The following OR5V1 variants were observed in gnomAD, a reference collection of about 807,000 sequenced individuals.
The protein encoded by OR5V1 is olfactory receptor 5V1.
For synonymous variants in OR5V1, 134 were observed against 143.2 expected (o/e 0.94, Z 0.46); for missense variants, 365 against 371.5 (o/e 0.98, Z 0.14).
intron 1 of OR5V1, among the ~76,000 whole-genome samples, chr6:29,359,931 C>G (rs967826372): frequency 2.0e-5 from 3 of 152,180 alleles, no homozygotes; most frequent in African/African-American, 4.8e-5. Flanking sequence ...CAGAACTGTT[C>G]ACTCCCCTGG....
In OR5V1 at chr6:29,354,719, T is replaced by C. The variant is rs1778170923; in HGVS notation, c.*511A>G. ...ATGCAGCAGGTGATAAAATTAAAATTAGCTACCAACAGATCTGGAGGTAAA... is the reference window on the plus strand; with the variant it reads ...ATGCAGCAGGTGATAAAATTAAAATCAGCTACCAACAGATCTGGAGGTAAA... On this transcript the variant is annotated 3_prime_UTR_variant, in exon 2 of 2. Coordinates refer to ENST00000641768, the MANE Select transcript of OR5V1 (RefSeq NM_030876.6). 1 of 152,234 alleles carries C rather than the reference T, an allele frequency of 6.6e-6. No homozygotes were observed. Among genetic ancestry groups the C allele is most frequent in the South Asian group, 2.1e-4 (1 of 4,836 alleles). 9.4% of individuals were successfully genotyped at this position (152,234 alleles called of 1,614,324 possible).
intron 1 of OR5V1, among the ~76,000 whole-genome samples, chr6:29,362,049 T>G (rs1312332867): frequency 6.6e-6 from 1 of 152,068 alleles, no homozygotes; most frequent in African/African-American, 2.4e-5. Context: ...CCATCTCATG[T>G]GCAAAGACAC....
chr6:29,358,194 G>A (rs911053067), intron 1 of OR5V1, among the ~76,000 whole-genome samples: 2 of 152,082 alleles, frequency 1.3e-5, no homozygotes, highest in African/African-American at 2.4e-5. Context: ...CTCCAAAATT[G>A]TATTCTCAAA....
At chr6:29,365,081 A>G (rs1191523195) in intron 1 of OR5V1, among the ~76,000 whole-genome samples, 1 of 152,076 alleles carries the variant, frequency 6.6e-6, no homozygotes, top group Non-Finnish European at 1.5e-5. Flanking sequence ...GGTGCTGGGA[A>G]AATTGGCTAG....
In OR5V1 at chr6:29,356,072, T is replaced by G. The variant is rs1444461410; in HGVS notation, c.124A>C (p.Asn42His). Reference protein sequence around the residue: ...FLTYFCTLGGNILIILTTVTD... With the variant: ...FLTYFCTLGGHILIILTTVTD... ...ACAGTCGTCAAGATAATTAATATAT[T>G]TCCTCCCAAAGTACAGAAATAAGTC... The change falls in exon 2 of 2, where the codon AAT (asparagine) becomes CAT (histidine). Residue 42 changes from asparagine (N) to histidine (H), a missense_variant. Physicochemically the swap from Asn to His is moderately conservative, Grantham distance 68. Transcript: ENST00000641768. The G allele has an allele frequency of 6.2e-7, 1 of 1,613,856 alleles. No individual in the cohort carries two copies. The highest frequency in any genetic ancestry group is 8.5e-7 in the Non-Finnish European group (1 of 1,179,946).
Position 29,355,557 on chromosome 6 carries a change from AC to A in OR5V1, c.638del (p.Cys213LeufsTer9). 6.2e-7 allele frequency: 1 copy of A among 1,614,052 alleles called. No individual in the cohort carries two copies. The highest frequency in any genetic ancestry group is 8.5e-7 in the Non-Finnish European group (1 of 1,179,924). ...GVFIGWTPFL[C>X]IVLSYICIIS... Reference sequence around the variant, plus strand: ...TTATGCAAATGTAGGAAAGTACGATACAAAGGAAAGGAGTCCAACCAATGAA... The same window carrying A: ...TTATGCAAATGTAGGAAAGTACGATAAAAGGAAAGGAGTCCAACCAATGAA... On this transcript the variant is annotated frameshift_variant, in exon 2 of 2. Coordinates refer to ENST00000641768, the MANE Select transcript of OR5V1 (RefSeq NM_030876.6). LOFTEE classifies it low-confidence loss of function (END_TRUNC).
At position 29,355,300 on chromosome 6, in the gene OR5V1, T is replaced by C. The variant is rs774701871; in HGVS notation, c.896A>G (p.Glu299Gly). 1 of 1,613,464 alleles carries C rather than the reference T, an allele frequency of 6.2e-7. No individual in the cohort carries two copies. The highest frequency in any genetic ancestry group is 1.1e-5 in the South Asian group (1 of 90,918). ...IYTLRNKDIK[E>G]AVKTIGSKWQ... ...CTTGCTCCCTATAGTTTTGACAGCTTCTTTGATGTCCTTATTCCTCAATGT... is the reference window on the plus strand; with the variant it reads ...CTTGCTCCCTATAGTTTTGACAGCTCCTTTGATGTCCTTATTCCTCAATGT... Residue 299 changes from glutamate to glycine, a missense_variant, in exon 2 of 2, where the codon GAA (glutamate) becomes GGA (glycine). Transcript: ENST00000641768.
chr6:29,360,220 C>G (rs1309753715), intron 1 of OR5V1, among the ~76,000 whole-genome samples: 1 of 152,214 alleles, frequency 6.6e-6, no homozygotes, highest in Non-Finnish European at 1.5e-5. Flanking sequence ...CTAGATTCCT[C>G]CTCACTGGGG....
chr6:29,368,430 C>G (rs954997363), intron 1 of OR5V1, among the ~76,000 whole-genome samples: 8 of 152,090 alleles, frequency 5.3e-5, no homozygotes, highest in African/African-American at 1.7e-4. Flanking sequence ...AAAGAAGCTT[C>G]CTGATTCACA....
rs1317007836 is a variant in OR5V1 at position 29,355,628 on chromosome 6, C to T, written c.568G>A (p.Gly190Arg). 6.2e-7 allele frequency: 1 copy of T among 1,613,936 alleles called. No homozygotes were observed. Among genetic ancestry groups the T allele is most frequent in the Non-Finnish European group, 8.5e-7 (1 of 1,179,930 alleles). The stretch of plus-strand genomic sequence containing the variant: ...GCCAACTCATTGACAGAAGTGTTTC[C>T]ACAAGACAAGATCAGCAAAGGGGGG... ...DIPPLLILSC[G>R]NTSVNELALL... is the part of the protein sequence containing the mutation. Residue 190 changes from glycine to arginine, a missense_variant, in exon 2 of 2, where the codon GGA becomes AGA. Transcript: ENST00000641768.
At chr6:29,367,758 C>T (rs1214120294) in intron 1 of OR5V1, among the ~76,000 whole-genome samples, 1 of 152,170 alleles carries the variant, frequency 6.6e-6, no homozygotes, top group African/African-American at 2.4e-5. Flanking sequence ...TGTTGCCTCT[C>T]ATAGGCATAG....
rs541443409 is a variant in OR5V1 at position 29,364,526 on chromosome 6, C to T, written c.-83+4106G>A. 6.6e-3 allele frequency among the ~76,000 whole-genome samples: 168 copies of T among 25,436 alleles called. 68 individuals carry two copies. The highest frequency in any genetic ancestry group is 0.017 in the Non-Finnish European group (149 of 8,642). 16.7% of individuals were successfully genotyped at this position (25,436 alleles called of 152,430 possible). Reference sequence around the variant, plus strand: ...AAAAAGAACAAAGCTGGGCCGGGCGCGGTGGCTCACGCCTGTAATCCCAGC... The same window carrying T: ...AAAAAGAACAAAGCTGGGCCGGGCGTGGTGGCTCACGCCTGTAATCCCAGC... On this transcript the variant is annotated intron_variant, in intron 1 of 1. Transcript: ENST00000641768.
chr6:29,358,191 A>G (rs1384494997), intron 1 of OR5V1, among the ~76,000 whole-genome samples: 1 of 152,140 alleles, frequency 6.6e-6, no homozygotes, highest in East Asian at 1.9e-4. Flanking sequence ...GAACTCCAAA[A>G]TTGTATTCTC....
At position 29,355,124 on chromosome 6, in the gene OR5V1, T is replaced by TTC; in HGVS notation, c.*104_*105dup. 8.8e-7 allele frequency: 1 copy of TTC among 1,141,778 alleles called. No homozygotes were observed. Among genetic ancestry groups the TTC allele is most frequent in the Non-Finnish European group, 1.2e-6 (1 of 819,856 alleles). 70.7% of individuals were successfully genotyped at this position (1,141,778 alleles called of 1,614,324 possible). A position where few individuals can be genotyped will look rare whatever the true frequency, so the allele number is the denominator to read the frequency against. ...CACTTAGACTGGAGTGTATCAACTC[T>TTC]TCAATATCTGTCCCAACATTGCAAT... On this transcript the variant is annotated 3_prime_UTR_variant, in exon 2 of 2. Transcript: ENST00000641768.
intron 1 of OR5V1, among the ~76,000 whole-genome samples, chr6:29,368,237 A>C (rs1278455770): frequency 6.6e-6 from 1 of 152,246 alleles, no homozygotes; most frequent in African/African-American, 2.4e-5. Context: ...CAAGGTTATT[A>C]GATCCACATG....
intron 1 of OR5V1, among the ~76,000 whole-genome samples, chr6:29,366,325 T>TAAAAAAAAAAA (rs34270802): frequency 8.0e-6 from 1 of 125,696 alleles, no homozygotes. Context: ...TAAAGTATAT[T>TAAAAAAAAAAA]AAAAAAAAAA....
At chr6:29,366,930 T>G (rs974578886) in intron 1 of OR5V1, among the ~76,000 whole-genome samples, 1 of 152,222 alleles carries the variant, frequency 6.6e-6, no homozygotes, top group Non-Finnish European at 1.5e-5. Flanking sequence ...GATCTCCTGA[T>G]GCTTTTGTTT....
At chr6:29,361,504 A>G (rs1232674654) in intron 1 of OR5V1, among the ~76,000 whole-genome samples, 1 of 152,188 alleles carries the variant, frequency 6.6e-6, no homozygotes, top group African/African-American at 2.4e-5. Context: ...GTCGAAATGA[A>G]AGAAAAAATG....
At chr6:29,359,779 C>T (rs890792904) in intron 1 of OR5V1, among the ~76,000 whole-genome samples, 2 of 152,132 alleles carry the variant, frequency 1.3e-5, no homozygotes, top group Non-Finnish European at 2.9e-5. Context: ...TTTTGCAATC[C>T]GCAGACCAGG....
Sources: gnomAD v4.1 joint callset for allele counts (sites outside exome capture counted in the v4.1 genomes callset) on GRCh38, gnomAD v4.1.1 for gene constraint, MANE v1.5 for transcripts, NCBI Gene and HGNC (gene_info 2026-07-23, HGNC 2026-07-21) for gene names.